The following PALM variants were observed in gnomAD, a reference collection of about 807,000 sequenced individuals.
PALM encodes paralemmin-1.
PALM carries 18 observed loss-of-function variants against 30.7 expected under a neutral mutation model. That is an observed-to-expected ratio of 0.59 (90% CI 0.41 to 0.87). The LOEUF (loss-of-function observed/expected upper bound fraction) is 0.87, where lower values mean the gene tolerates loss of function less well. Ranked by LOEUF, PALM falls within the 40% of genes least tolerant of loss-of-function variation. The pLI, the probability that PALM is intolerant of heterozygous loss-of-function variation, is 0.00. For synonymous variants in PALM, 286 were observed against 242.8 expected (o/e 1.18, Z -1.66); for missense variants, 529 against 555.4 (o/e 0.95, Z 0.48).
At chr19:740,883 C>T (rs574476555) in intron 8 of PALM, among the ~76,000 whole-genome samples, 1 of 151,526 alleles carries the variant, frequency 6.6e-6, no homozygotes, top group African/African-American at 2.4e-5. Flanking sequence ...TTAGTCCCAG[C>T]ACTTTGGGAG....
intron 4 of PALM, 109 bp downstream of exon 4, chr19:727,803 C>G: frequency 1.9e-6 from 2 of 1,047,812 alleles, no homozygotes; most frequent in South Asian, 3.2e-5. Flanking sequence ...GAGGGAGATG[C>G]GTGGACCGGG....
At chr19:724,983 G>A (rs1274792952) in intron 1 of PALM, among the ~76,000 whole-genome samples, 1 of 151,774 alleles carries the variant, frequency 6.6e-6, no homozygotes, top group African/African-American at 2.4e-5. Flanking sequence ...GCAGTGGCGC[G>A]ATCTCGGCTC....
In PALM at chr19:742,771, G is replaced by C. The variant is rs2033230482; in HGVS notation, c.634+2288G>C. 6.6e-6 allele frequency among the ~76,000 whole-genome samples: 1 copy of C among 152,154 alleles called. No homozygotes were observed. Among genetic ancestry groups the C allele is most frequent in the Non-Finnish European group, 1.5e-5 (1 of 68,040 alleles). On this transcript the variant is annotated intron_variant, in intron 8 of 8. Coordinates refer to ENST00000338448, the MANE Select transcript of PALM (RefSeq NM_002579.3). This position sits in a 1 kb window ranked among gnomAD's most constrained non-coding sequence, Gnocchi z 5.5. The stretch of plus-strand genomic sequence containing the variant: ...ATGGCTGAATACTATTCCACGGGTT[G>C]GGTGGGCCATGGTGGGTTTATCCCT...
Position 710,841 on chromosome 19 carries a change from A to G in PALM, c.5+1690A>G, listed in dbSNP as rs372910481. Among the ~76,000 whole-genome samples the G allele has an allele frequency of 7.9e-5, 12 of 152,328 alleles. No homozygotes were observed. The East Asian group carries it at 9.7e-4, about 12-fold the overall frequency. On this transcript the variant is annotated intron_variant, in intron 1 of 8. Transcript: ENST00000338448. ...TGTTAACCGGCTGCTGTGAGCCGCC[A>G]TTCGAGGACGACTCTCTCCCCGGTT...
intron 1 of PALM, among the ~76,000 whole-genome samples, chr19:711,002 G>A (rs898948931): frequency 2.6e-5 from 4 of 152,204 alleles, no homozygotes; most frequent in Non-Finnish European, 5.9e-5. Flanking sequence ...GCCTCCTCCC[G>A]TTTCCACAGA....
chr19:743,309 TCCACC>T (rs1261085940), intron 8 of PALM, among the ~76,000 whole-genome samples: 1 of 152,104 alleles, frequency 6.6e-6, no homozygotes, highest in Non-Finnish European at 1.5e-5. Flanking sequence ...CCCCCATCAC[TCCACC>T]CTCCTCAGCC....
intron 5 of PALM, among the ~76,000 whole-genome samples, chr19:733,962 G>T (rs981463016): frequency 1.4e-4 from 22 of 152,240 alleles, no homozygotes; most frequent in South Asian, 6.2e-4. Context: ...CTCCGGCCTG[G>T]GCGACAAGAG....
chr19:746,378 C>A lies in PALM; in HGVS notation c.728C>A (p.Thr243Lys). 1 of 1,613,336 alleles carries A rather than the reference C, an allele frequency of 6.2e-7. No homozygotes were observed. The highest frequency in any genetic ancestry group is 8.5e-7 in the Non-Finnish European group (1 of 1,179,804). The change falls in exon 9 of 9, where the codon ACG becomes AAG. Residue 243 changes from threonine (T) to lysine (K), a missense_variant. Thr to Lys is a moderately conservative substitution (Grantham distance 78). Transcript: ENST00000338448. This position sits in a 1 kb window ranked among gnomAD's most constrained non-coding sequence, Gnocchi z 7.1. ...DELIHKADEV[T>K]LSEAGSTAGA... is the part of the protein sequence containing the mutation. ...CTCATCCACAAAGCGGACGAGGTCA[C>A]GCTGAGCGAGGCAGGGTCCACGGCC...
At position 729,458 on chromosome 19, in the gene PALM, C is replaced by CTTTTT. The variant is rs34688325; in HGVS notation, c.270-1616_270-1612dup. 1.5e-4 allele frequency among the ~76,000 whole-genome samples: 11 copies of CTTTTT among 72,708 alleles called. 1 individual carries two copies. The highest frequency in any genetic ancestry group is 5.7e-4 in the East Asian group (1 of 1,748). 47.7% of individuals were successfully genotyped at this position (72,708 alleles called of 152,430 possible). On this transcript the variant is annotated intron_variant, in intron 4 of 8. Coordinates refer to ENST00000338448, the MANE Select transcript of PALM (RefSeq NM_002579.3). ...GGGAGGCAAAAATCCCACGGTGCGT[C>CTTTTT]TTTTTTTTTTTTTTTTTTTTTTTTT... is the stretch of plus-strand genomic sequence containing the variant.
chr19:745,369 G>T (rs1170700235), intron 8 of PALM, among the ~76,000 whole-genome samples: 1 of 152,118 alleles, frequency 6.6e-6, no homozygotes, highest in African/African-American at 2.4e-5. Flanking sequence ...ACTTTTCAGG[G>T]TGATCACGTG....
intron 6 of PALM, chr19:734,432 G>A: frequency 1.8e-6 from 1 of 542,396 alleles, no homozygotes; most frequent in Middle Eastern, 5.0e-4. Flanking sequence ...GGGTGTGGTG[G>A]CTCATGCCTG....
chr19:747,126 GGGGTCCTGGC>G lies in PALM; in HGVS notation c.*317_*326del, dbSNP rs2033373736. 3 of 313,990 alleles carry G rather than the reference GGGGTCCTGGC, an allele frequency of 9.6e-6. No homozygotes were observed. The South Asian group carries it at 1.2e-4, about 13-fold the overall frequency. The allele number at this position is 313,990 out of a possible 1,614,324, so 19.5% of individuals were successfully genotyped here. ...TTCACAGACGCGGCTCGCGCCCACC[GGGGTCCTGGC>G]GGGTGGGACCCGCAGCCTCCACGCG... On this transcript the variant is annotated 3_prime_UTR_variant, in exon 9 of 9. Coordinates refer to ENST00000338448, the MANE Select transcript of PALM (RefSeq NM_002579.3).
chr19:726,985 ACCCCACCC>A lies in PALM; in HGVS notation c.58-22_58-15del. The A allele has an allele frequency of 5.3e-6, 5 of 945,352 alleles. No homozygotes were observed. Among genetic ancestry groups the A allele is most frequent in the Non-Finnish European group, 4.9e-6 (3 of 616,856 alleles). 58.6% of individuals were successfully genotyped at this position (945,352 alleles called of 1,614,324 possible). On this transcript the variant is annotated splice_polypyrimidine_tract_variant and intron_variant, in intron 2 of 8. Coordinates refer to ENST00000338448, the MANE Select transcript of PALM (RefSeq NM_002579.3). ...TCCGGGACCCCCACGCCCATCCCTG[ACCCCACCC>A]GGCCCTCCCCACAGGAGAAGCGGAA...
In PALM at chr19:742,624, G is replaced by GAAAT. The variant is rs2033226487; in HGVS notation, c.634+2144_634+2145insTAAA. Among the ~76,000 whole-genome samples the GAAAT allele has an allele frequency of 6.6e-6, 1 of 150,692 alleles. No individual in the cohort carries two copies. Among genetic ancestry groups the GAAAT allele is most frequent in the African/African-American group, 2.4e-5 (1 of 41,138 alleles). Reference sequence around the variant, plus strand: ...CTGTCTCAAAAAAAAAAAAAAGAAAGAAAAGAGAATAAATGGGGTCACACA... The same window carrying GAAAT: ...CTGTCTCAAAAAAAAAAAAAAGAAAGAAATAAAAGAGAATAAATGGGGTCACACA... On this transcript the variant is annotated intron_variant, in intron 8 of 8. Coordinates refer to ENST00000338448, the MANE Select transcript of PALM (RefSeq NM_002579.3). This position sits in a 1 kb window ranked among gnomAD's most constrained non-coding sequence, Gnocchi z 5.5.
chr19:739,925 T>C (rs1250182277), intron 7 of PALM, among the ~76,000 whole-genome samples: 1 of 152,144 alleles, frequency 6.6e-6, no homozygotes, highest in East Asian at 1.9e-4. Flanking sequence ...ATCACACCAC[T>C]GTGCTCCAGC....
chr19:721,444 T>C (rs1019157545), intron 1 of PALM, among the ~76,000 whole-genome samples: 2 of 151,452 alleles, frequency 1.3e-5, no homozygotes, highest in Non-Finnish European at 2.9e-5. Context: ...TTTTGTATTT[T>C]TAGTAGAGAC....
intron 1 of PALM, among the ~76,000 whole-genome samples, chr19:724,916 G>A (rs898478376): frequency 6.6e-6 from 1 of 151,552 alleles, no homozygotes; most frequent in Admixed American, 6.6e-5. Context: ...GAGCAGCTGT[G>A]GTTTTGCTTT....
chr19:725,175 C>A (rs1340563962), intron 1 of PALM, among the ~76,000 whole-genome samples: 2 of 151,454 alleles, frequency 1.3e-5, no homozygotes, highest in Non-Finnish European at 2.9e-5. Context: ...ATCCGCCTGC[C>A]TCAGCTGCCC....
intron 3 of PALM, among the ~76,000 whole-genome samples, chr19:727,305 C>A (rs1319415376): frequency 1.3e-5 from 2 of 150,326 alleles, no homozygotes; most frequent in East Asian, 4.1e-4. Context: ...TGACCCCGAC[C>A]CTGACCCTGA....
Sources: gnomAD v4.1 joint callset for allele counts (sites outside exome capture counted in the v4.1 genomes callset) on GRCh38, gnomAD v4.1.1 for gene constraint, Gnocchi (gnomAD v3.1) non-coding constraint, MANE v1.5 for transcripts, NCBI Gene and HGNC (gene_info 2026-07-23, HGNC 2026-07-21) for gene names.